TECPR1: variants seen among roughly 807,000 people sequenced by gnomAD.
The protein encoded by TECPR1 is tectonin beta-propeller repeat-containing protein 1.
Under a neutral mutation model 162.4 loss-of-function variants are expected in TECPR1, and 122 were observed. That is an observed-to-expected ratio of 0.75 (90% CI 0.65 to 0.87). The LOEUF (loss-of-function observed/expected upper bound fraction) is 0.87. TECPR1 is among the 40% of genes least tolerant of loss of function. The pLI is 0.00. For missense variants in TECPR1, 1,432 were observed against 1,618.2 expected, an observed-to-expected ratio of 0.88 and a Z score of 1.97; for synonymous variants, 642 against 670.6, an observed-to-expected ratio of 0.96 and a Z score of 0.66.
intron 15 of TECPR1, among the ~76,000 whole-genome samples, chr7:98,230,174 T>C (rs1256637168): frequency 2.0e-5 from 3 of 151,738 alleles, no homozygotes; most frequent in Non-Finnish European, 2.9e-5. Flanking sequence ...CTTTTTTGGT[T>C]TCTTTTTTTT....
chr7:98,247,298 C>T (rs1798937200), intron 2 of TECPR1, among the ~76,000 whole-genome samples: 1 of 151,826 alleles, frequency 6.6e-6, no homozygotes, highest in African/African-American at 2.4e-5. Flanking sequence ...CCACCATACC[C>T]AGCTAATTAA....
chr7:98,244,521 ACT>A (rs749270969), intron 5 of TECPR1, 48 bp downstream of exon 5: 13 of 1,550,656 alleles, frequency 8.4e-6, no homozygotes, highest in Non-Finnish European at 9.6e-6. Context: ...TGCATGTGAC[ACT>A]CTGTCCTGGC....
In TECPR1 at chr7:98,245,811, C is replaced by T. The variant is rs886918630; in HGVS notation, c.225+111G>A. 10 of 988,916 alleles carry T rather than the reference C, an allele frequency of 1.0e-5. No homozygotes were observed. The East Asian group carries it at 2.4e-4, about 23-fold the overall frequency. The allele number at this position is 988,916 out of a possible 1,614,324, so 61.3% of individuals were successfully genotyped here. On this transcript the variant is annotated intron_variant, in intron 3 of 25. Transcript: ENST00000447648. ...TTAAGTACAAGGAAGGAAATGAAGG[C>T]AGGAACTGGTGGGGAATCTGGGGCC... is the stretch of plus-strand genomic sequence containing the variant.
At chr7:98,228,303 G>A (rs951507640) in intron 16 of TECPR1, among the ~76,000 whole-genome samples, 187 bp from the exon 17 acceptor site, 4 of 152,246 alleles carry the variant, frequency 2.6e-5, no homozygotes, top group South Asian at 4.1e-4. Context: ...TTTCTCCTCC[G>A]GGACCGTGAT....
chr7:98,238,702 T>C (rs980533897), intron 8 of TECPR1, 92 bp from the exon 9 acceptor site: 10 of 1,083,016 alleles, frequency 9.2e-6, no homozygotes, highest in Admixed American at 6.0e-5. Flanking sequence ...AGTGAATAAT[T>C]TGATCCTTTG....
In TECPR1 at chr7:98,215,632, C is replaced by G. The variant is rs977736234; in HGVS notation, c.*1758G>C. ...CTGCCGTTCTGCAGGGTGACGCCCT[C>G]CCCGTACCTCGCTGAGAGCCACCTG... On this transcript the variant is annotated 3_prime_UTR_variant, in exon 26 of 26. Coordinates refer to ENST00000447648, the MANE Select transcript of TECPR1 (RefSeq NM_015395.3). 1.3e-5 allele frequency: 2 copies of G among 152,264 alleles called. No individual in the cohort carries two copies. Among genetic ancestry groups the G allele is most frequent in the Non-Finnish European group, 1.5e-5 (1 of 68,056 alleles). The allele number at this position is 152,264 out of a possible 1,614,324, so 9.4% of individuals were successfully genotyped here. A position where few individuals can be genotyped will look rare whatever the true frequency, so the allele number is the denominator to read the frequency against.
intron 11 of TECPR1, 137 bp downstream of exon 11, chr7:98,233,284 G>C: frequency 8.3e-7 from 1 of 1,205,594 alleles, no homozygotes; most frequent in Non-Finnish European, 1.1e-6. Flanking sequence ...GCCTGGCTCA[G>C]AGCTGCTGAG....
At chr7:98,222,342 A>T (rs776071263) in intron 22 of TECPR1, 44 bp downstream of exon 22, 16 of 1,587,390 alleles carry the variant, frequency 1.0e-5, no homozygotes, top group Non-Finnish European at 1.4e-5. Flanking sequence ...ATCAGCTTGG[A>T]CGGAAGGTGA....
intron 8 of TECPR1, among the ~76,000 whole-genome samples, chr7:98,240,390 C>A (rs1245829821): frequency 6.6e-6 from 1 of 152,094 alleles, no homozygotes; most frequent in Non-Finnish European, 1.5e-5. Flanking sequence ...ACAAACAATG[C>A]ATGGTGCTCA....
chr7:98,229,534 C>A (rs1205414012), intron 15 of TECPR1, among the ~76,000 whole-genome samples: 2 of 152,190 alleles, frequency 1.3e-5, no homozygotes, highest in African/African-American at 4.8e-5. Flanking sequence ...GCCACAGTGG[C>A]AGGTGCAGCC....
intron 8 of TECPR1, among the ~76,000 whole-genome samples, chr7:98,239,566 T>C: frequency 6.6e-6 from 1 of 150,536 alleles, no homozygotes; most frequent in African/African-American, 2.4e-5. Flanking sequence ...AATTAAAAAA[T>C]AAAAAAAAGA....
intron 17 of TECPR1, 133 bp downstream of exon 17, chr7:98,227,881 G>A (rs552440070): frequency 1.3e-4 from 87 of 648,526 alleles, no homozygotes; most frequent in Middle Eastern, 7.5e-4. Flanking sequence ...GGTAAGATCC[G>A]GTTAGTTTCC....
At chr7:98,225,211 C>T (rs1446042647) in intron 17 of TECPR1, 109 bp from the exon 18 acceptor site, 1 of 992,008 alleles carries the variant, frequency 1.0e-6, no homozygotes, top group African/African-American at 1.6e-5. Flanking sequence ...AGTCTCAGAG[C>T]CAGCCACCTC....
chr7:98,230,175 T>C (rs1798387816), intron 15 of TECPR1, among the ~76,000 whole-genome samples: 1 of 151,490 alleles, frequency 6.6e-6, no homozygotes, highest in African/African-American at 2.4e-5. Flanking sequence ...TTTTTTGGTT[T>C]CTTTTTTTTT....
intron 2 of TECPR1, among the ~76,000 whole-genome samples, chr7:98,247,702 T>TA (rs2116637197): frequency 6.6e-6 from 1 of 152,212 alleles, no homozygotes; most frequent in East Asian, 1.9e-4. Flanking sequence ...TGCCATTCTC[T>TA]ACTCCTTTCT....
intron 16 of TECPR1, 68 bp downstream of exon 16, chr7:98,228,971 G>A: frequency 6.5e-7 from 1 of 1,544,442 alleles, no homozygotes. Context: ...CTTGGGCAGG[G>A]AACCCAGACG....
Position 98,233,850 on chromosome 7 carries a change from C to A in TECPR1, c.1243G>T (p.Asp415Tyr), listed in dbSNP as rs773360593. The A allele has an allele frequency of 1.3e-6, 2 of 1,573,282 alleles. No homozygotes were observed. Residue 415 changes from aspartate to tyrosine, a missense_variant, in exon 11 of 26, where the codon GAT (aspartate) becomes TAT (tyrosine). Asp to Tyr is a radical substitution (Grantham distance 160). Transcript: ENST00000447648. ...GGTCTCTCGACTTCCGAGGAGGCATCGGTGTCGCTGGGGGCAGACTCGCCA... is the reference window on the plus strand; with the variant it reads ...GGTCTCTCGACTTCCGAGGAGGCATAGGTGTCGCTGGGGGCAGACTCGCCA... ...GSGESAPSDTDASSEVERPGP... is the reference protein window; with the variant it reads ...GSGESAPSDTYASSEVERPGP...
chr7:98,227,092 C>A (rs1798295392), intron 17 of TECPR1, among the ~76,000 whole-genome samples: 1 of 152,088 alleles, frequency 6.6e-6, no homozygotes, highest in African/African-American at 2.4e-5. Context: ...GATGTCAAAG[C>A]TCCAGTATAG....
At chr7:98,237,032 GGCTGGGAAGGTCCAT>G (rs1798622622) in intron 9 of TECPR1, 111 bp from the exon 10 acceptor site, 5 of 1,232,564 alleles carry the variant, frequency 4.1e-6, no homozygotes, top group Non-Finnish European at 5.4e-6. Context: ...GGTGTGTGTG[GGCTGGGAAGGTCCAT>G]GCTGGGGCTG....
Sources: allele counts gnomAD v4.1 joint callset (sites outside exome capture counted in the v4.1 genomes callset), GRCh38; gene constraint gnomAD v4.1.1; transcripts MANE v1.5; gene names NCBI Gene and HGNC (gene_info 2026-07-23, HGNC 2026-07-21).